Variants in RBBP5 observed in about 807,000 individuals in gnomAD.
RBBP5 encodes the protein RB binding protein 5, histone lysine methyltransferase complex subunit.
RBBP5 carries 5 observed loss-of-function variants against 72.2 expected under a neutral mutation model. The observed-to-expected ratio is 0.07, with a 90% CI of 0.04 to 0.15. The LOEUF (loss-of-function observed/expected upper bound fraction) is 0.15. Ranked by LOEUF, RBBP5 falls within the 10% of genes least tolerant of loss-of-function variation. RBBP5 has a pLI of 1.00. For missense variants in RBBP5, 322 were observed against 652.2 expected, an observed-to-expected ratio of 0.49 and a Z score of 5.51; for synonymous variants, 209 against 237.2, an observed-to-expected ratio of 0.88 and a Z score of 1.09.
intron 1 of RBBP5, among the ~76,000 whole-genome samples, chr1:205,120,193 C>T (rs765369991): frequency 2.0e-5 from 3 of 152,070 alleles, no homozygotes; most frequent in Non-Finnish European, 2.9e-5. Context: ...TATAATCTAC[C>T]CCTCCAAACT....
chr1:205,096,353 T>TGG (rs1012936151), intron 12 of RBBP5, among the ~76,000 whole-genome samples: 2 of 152,174 alleles, frequency 1.3e-5, no homozygotes, highest in African/African-American at 4.8e-5. Context: ...GATGAAATGA[T>TGG]TGTCCAAGTC....
intron 2 of RBBP5, 111 bp from the exon 3 acceptor site, chr1:205,115,072 G>A: frequency 1.0e-6 from 1 of 968,904 alleles, no homozygotes; most frequent in Non-Finnish European, 1.5e-6. Flanking sequence ...AAATTACACT[G>A]CATACCAAAT....
rs771891314 is a variant in RBBP5 at position 205,087,930 on chromosome 1, T to G, written c.*857A>C. On this transcript the variant is annotated 3_prime_UTR_variant, in exon 14 of 14. Coordinates refer to ENST00000264515, the MANE Select transcript of RBBP5 (RefSeq NM_005057.4). ...TGCTTTGATTCTGGATGGTTTTACTTTACTCCTTGCATAGATTCCCCCACC... is the reference window on the plus strand; with the variant it reads ...TGCTTTGATTCTGGATGGTTTTACTGTACTCCTTGCATAGATTCCCCCACC... 10 of 152,642 alleles carry G rather than the reference T, an allele frequency of 6.6e-5. No individual in the cohort carries two copies. Among genetic ancestry groups the G allele is most frequent in the Non-Finnish European group, 1.5e-4 (10 of 68,060 alleles). 9.5% of individuals were successfully genotyped at this position (152,642 alleles called of 1,614,324 possible).
intron 12 of RBBP5, 59 bp downstream of exon 12, chr1:205,096,623 C>A: frequency 1.3e-6 from 2 of 1,498,060 alleles, no homozygotes; most frequent in Admixed American, 3.8e-5. Flanking sequence ...CCAGGTTGCG[C>A]TGGGGAGTGA....
At position 205,096,645 on chromosome 1, in the gene RBBP5, C is replaced by T. The variant is rs146693821; in HGVS notation, c.1396+37G>A. On this transcript the variant is annotated intron_variant, in intron 12 of 13. Coordinates refer to ENST00000264515, the MANE Select transcript of RBBP5 (RefSeq NM_005057.4). Reference sequence around the variant, plus strand: ...GCGCTGGGGAGTGAGTAGAAAGTGGCGTCTGCCAGGCCAGAGGGAGAAGAT... The same window carrying T: ...GCGCTGGGGAGTGAGTAGAAAGTGGTGTCTGCCAGGCCAGAGGGAGAAGAT... 298 of 1,580,138 alleles carry T rather than the reference C, an allele frequency of 1.9e-4. 1 individual carries two copies. In the African/African-American group the frequency reaches 3.4e-3, roughly 18 times the overall value.
chr1:205,117,422 AAGCT>A (rs1268864033), intron 1 of RBBP5, among the ~76,000 whole-genome samples: 1 of 151,858 alleles, frequency 6.6e-6, no homozygotes, highest in African/African-American at 2.4e-5. Context: ...GCACTTTGGG[AAGCT>A]GAGGCAGGTG....
intron 3 of RBBP5, among the ~76,000 whole-genome samples, chr1:205,107,927 CA>C (rs1166448202): frequency 4.2e-4 from 40 of 95,966 alleles, no homozygotes; most frequent in Middle Eastern, 7.9e-3. Flanking sequence ...GCCTGGGTAA[CA>C]AGAGCAAAAA....
intron 3 of RBBP5, among the ~76,000 whole-genome samples, chr1:205,110,114 G>A (rs1174329383): frequency 4.0e-5 from 6 of 151,458 alleles, no homozygotes; most frequent in East Asian, 1.9e-4. Context: ...TCCATATGCC[G>A]GTTCAAGCGA....
At chr1:205,113,986 T>C (rs1487716265) in intron 3 of RBBP5, among the ~76,000 whole-genome samples, 3 of 152,160 alleles carry the variant, frequency 2.0e-5, no homozygotes, top group Non-Finnish European at 2.9e-5. Context: ...CGCCTGGCCC[T>C]ATTTGAATCT....
rs1230713492 is a variant in RBBP5 at position 205,105,588 on chromosome 1, GAATT to G, written c.219-424_219-421del. ...AAATAATTTTAAAAGAACTGAGAAA[GAATT>G]AATTCCTCCTGGTAAGTACAGATAA... On this transcript the variant is annotated intron_variant, in intron 3 of 13. Transcript: ENST00000264515. Among the ~76,000 whole-genome samples the G allele has an allele frequency of 2.6e-5, 4 of 152,128 alleles. No homozygotes were observed. In the East Asian group the frequency reaches 7.7e-4, roughly 29 times the overall value.
At chr1:205,095,182 G>C (rs1655562217) in intron 12 of RBBP5, 118 bp from the exon 13 acceptor site, 9 of 990,874 alleles carry the variant, frequency 9.1e-6, no homozygotes, top group Admixed American at 5.5e-5. Flanking sequence ...TAATTATAAA[G>C]AGAAAAGTTT....
Position 205,121,208 on chromosome 1 carries a change from T to C in RBBP5, c.19+647A>G, listed in dbSNP as rs1215905895. On this transcript the variant is annotated intron_variant, in intron 1 of 13. Coordinates refer to ENST00000264515, the MANE Select transcript of RBBP5 (RefSeq NM_005057.4). ...ACCTACAGTTTTTAAATAATCTGGA[T>C]AGGAGGTAAGGAGGCAATGACTCAA... Among the ~76,000 whole-genome samples the C allele has an allele frequency of 2.6e-5, 4 of 152,124 alleles. No individual in the cohort carries two copies. The South Asian group carries it at 6.2e-4, about 24-fold the overall frequency.
chr1:205,121,330 T>C (rs1005124167), intron 1 of RBBP5, among the ~76,000 whole-genome samples: 34 of 152,198 alleles, frequency 2.2e-4, no homozygotes, highest in African/African-American at 8.2e-4. Context: ...GTTAGGATAA[T>C]TGGATTCCAG....
rs1271568904 is a variant in RBBP5 at position 205,096,557 on chromosome 1, T to C, written c.1396+125A>G. ...ATCATTATAAAGTTGTAAAACACTA[T>C]AAAACAGACTCATGGGAAAATTCCT... On this transcript the variant is annotated intron_variant, in intron 12 of 13. Coordinates refer to ENST00000264515, the MANE Select transcript of RBBP5 (RefSeq NM_005057.4). The C allele has an allele frequency of 3.2e-5, 27 of 839,210 alleles. No homozygotes were observed. The Admixed American group carries it at 6.3e-4, about 19-fold the overall frequency. The allele number at this position is 839,210 out of a possible 1,614,324, so 52.0% of individuals were successfully genotyped here. A position where few individuals can be genotyped will look rare whatever the true frequency, so the allele number is the denominator to read the frequency against.
rs1490051611 is a variant in RBBP5, at chr1:205,088,831, A to C, written c.1589-16T>G. The stretch of plus-strand genomic sequence containing the variant: ...GCTCCTCCTGCTAAAGAGATTAGAC[A>C]CAAAAAGATTTCTTTTAGCTTCAAT... On this transcript the variant is annotated splice_polypyrimidine_tract_variant and intron_variant, in intron 13 of 13. Transcript: ENST00000264515. 1 of 1,565,554 alleles carries C rather than the reference A, an allele frequency of 6.4e-7. No individual in the cohort carries two copies. Among genetic ancestry groups the C allele is most frequent in the Non-Finnish European group, 8.6e-7 (1 of 1,156,152 alleles).
chr1:205,101,686 A>G lies in RBBP5; in HGVS notation c.546T>C (p.Ser182=). 2.5e-6 allele frequency: 4 copies of G among 1,613,504 alleles called. No individual in the cohort carries two copies. The highest frequency in any genetic ancestry group is 3.4e-6 in the Non-Finnish European group (4 of 1,179,752). Residue 182 remains serine (S), a synonymous_variant, in exon 6 of 14, where the codon TCT becomes TCC. Transcript: ENST00000264515. ...KGKILVLKTD[S]QDLVASFRVT... is the part of the protein sequence containing the mutation. ...CTCTGAAGGAAGCAACAAGATCCTG[A>G]GAATCTGTTTTTAGGACCAAAATCT...
At chr1:205,094,776 A>G in intron 13 of RBBP5, 97 bp downstream of exon 13, 2 of 1,306,286 alleles carry the variant, frequency 1.5e-6, no homozygotes, top group East Asian at 2.4e-5. Flanking sequence ...AAAACGAGGG[A>G]AGAGAGGGGG....
Position 205,096,822 on chromosome 1 carries a change from G to T in RBBP5, c.1256C>A (p.Pro419Gln), listed in dbSNP as rs753539184. The T allele has an allele frequency of 6.2e-7, 1 of 1,614,148 alleles. No homozygotes were observed. Among genetic ancestry groups the T allele is most frequent in the South Asian group, 1.1e-5 (1 of 91,076 alleles). Residue 419 changes from proline to glutamine, a missense_variant, in exon 12 of 14, where the codon CCA becomes CAA. Physicochemically the swap from Pro to Gln is moderately conservative, Grantham distance 76. Coordinates refer to ENST00000264515, the MANE Select transcript of RBBP5 (RefSeq NM_005057.4). Reference sequence around the variant, plus strand: ...CAAGGAGGTTTGGACTGCATCCGGTGGGGGGCCGTAAGGATTTTCTTCTGG... The same window carrying T: ...CAAGGAGGTTTGGACTGCATCCGGTTGGGGGCCGTAAGGATTTTCTTCTGG... ...EDPEENPYGP[P>Q]PDAVQTSLMD...
chr1:205,088,227 G>A lies in RBBP5; in HGVS notation c.*560C>T, dbSNP rs925487001. 1.3e-5 allele frequency: 2 copies of A among 152,324 alleles called. No homozygotes were observed. Among genetic ancestry groups the A allele is most frequent in the Non-Finnish European group, 2.9e-5 (2 of 68,104 alleles). The allele number at this position is 152,324 out of a possible 1,614,324, so 9.4% of individuals were successfully genotyped here. ...AGAGGGCCTTCGTTGTTCCCTTTCT[G>A]AAAATTTGAAATCTTTCAAGCACTT... On this transcript the variant is annotated 3_prime_UTR_variant, in exon 14 of 14. Transcript: ENST00000264515.
Sources: allele counts gnomAD v4.1 joint callset (sites outside exome capture counted in the v4.1 genomes callset), GRCh38; gene constraint gnomAD v4.1.1; transcripts MANE v1.5; gene names NCBI Gene and HGNC (gene_info 2026-07-23, HGNC 2026-07-21).